The following LARS1 variants were observed in gnomAD, a reference collection of about 807,000 sequenced individuals.
LARS1 encodes leucine--tRNA ligase, cytoplasmic.
In LARS1, 100 loss-of-function variants were observed where a neutral mutation model predicts 162.8. The observed-to-expected ratio is 0.61, with a 90% CI of 0.52 to 0.73. The LOEUF is 0.73. Ranked by LOEUF, LARS1 falls within the 30% of genes least tolerant of loss-of-function variation. LARS1 has a pLI of 0.00. For synonymous variants in LARS1, 457 were observed against 462.8 expected, an observed-to-expected ratio of 0.99 and a Z score of 0.16; for missense variants, 1,258 against 1,408.9, an observed-to-expected ratio of 0.89 and a Z score of 1.71.
chr5:146,175,310 C>T (rs145345736), intron 2 of LARS1, among the ~76,000 whole-genome samples: 2,314 of 151,320 alleles, frequency 0.015, 68 homozygotes, highest in African/African-American at 0.053. Flanking sequence ...CTTTGGGAGT[C>T]GGAGGCAGGC....
chr5:146,157,298 G>A, intron 10 of LARS1, 105 bp downstream of exon 10: 1 of 956,666 alleles, frequency 1.0e-6, no homozygotes, highest in Non-Finnish European at 1.6e-6. Context: ...TTTACTGCAT[G>A]TACACCTCAT....
At chr5:146,124,135 TGGAA>T in intron 28 of LARS1, 49 bp from the exon 29 acceptor site, 5 of 1,066,308 alleles carry the variant, frequency 4.7e-6, no homozygotes, top group African/African-American at 1.5e-5. Context: ...AAGAATATGT[TGGAA>T]AACATACTTC....
intron 2 of LARS1, among the ~76,000 whole-genome samples, chr5:146,174,144 TAAAAAAAAAAA>T (rs66479730): frequency 2.2e-5 from 2 of 89,136 alleles, no homozygotes; most frequent in Non-Finnish European, 4.0e-5. Context: ...CTTTTTCTCT[TAAAAAAAAAAA>T]AAAAAAAAAA....
chr5:146,136,359 T>C (rs1036611967), intron 21 of LARS1, among the ~76,000 whole-genome samples: 5 of 152,240 alleles, frequency 3.3e-5, no homozygotes, highest in Non-Finnish European at 7.3e-5. Flanking sequence ...TGTATTGTTC[T>C]TCTTTGACTT....
At chr5:146,167,281 T>G (rs1391278064) in intron 5 of LARS1, among the ~76,000 whole-genome samples, 1 of 152,204 alleles carries the variant, frequency 6.6e-6, no homozygotes, top group African/African-American at 2.4e-5. Context: ...TGTTAATTCC[T>G]TAATTTGAAA....
rs752747618 is a variant in LARS1, at chr5:146,113,928, T to C, written c.*178A>G. ...CACCCAAAGAAAGGGAAAAAAAATT[T>C]ATTAGGTCCAGGAATCAAAGATGAC... On this transcript the variant is annotated 3_prime_UTR_variant, in exon 32 of 32. Coordinates refer to ENST00000394434, the MANE Select transcript of LARS1 (RefSeq NM_020117.11). 3.6e-6 allele frequency: 2 copies of C among 558,786 alleles called. No individual in the cohort carries two copies. Among genetic ancestry groups the C allele is most frequent in the Non-Finnish European group, 6.3e-6 (2 of 319,904 alleles). The allele number at this position is 558,786 out of a possible 1,614,324, so 34.6% of individuals were successfully genotyped here. A position where few individuals can be genotyped will look rare whatever the true frequency, so the allele number is the denominator to read the frequency against.
intron 19 of LARS1, 28 bp downstream of exon 19, chr5:146,143,384 T>C (rs1435155734): frequency 1.9e-6 from 3 of 1,590,292 alleles, no homozygotes; most frequent in Admixed American, 1.8e-5. Context: ...TGACAAATTA[T>C]GCTCCTTTCC....
chr5:146,176,385 G>A (rs1754574584), intron 2 of LARS1, among the ~76,000 whole-genome samples: 1 of 150,638 alleles, frequency 6.6e-6, no homozygotes. Context: ...CAGGGAGTTG[G>A]GGGTTGCAGT....
At chr5:146,158,989 G>A (rs1471360206) in intron 8 of LARS1, among the ~76,000 whole-genome samples, 8 of 151,858 alleles carry the variant, frequency 5.3e-5, no homozygotes, top group African/African-American at 1.7e-4. Flanking sequence ...CCAGCTACTC[G>A]GGAGGCTGAG....
chr5:146,143,042 G>A lies in LARS1; in HGVS notation c.1920C>T (p.Phe640=), dbSNP rs1405427734. The change falls in exon 20 of 32, where the codon TTC becomes TTT. Residue 640 remains phenylalanine, a synonymous_variant. Transcript: ENST00000394434. ...GAGTCTTAGGAAATGGAGCCTCCTT[G>A]AAGAAAACATAATCCCAAACTTCCT... ...MTKEVWDYVF[F]KEAPFPKTQI... is the part of the protein sequence containing the mutation. 1 of 1,613,590 alleles carries A rather than the reference G, an allele frequency of 6.2e-7. No homozygotes were observed. Among genetic ancestry groups the A allele is most frequent in the African/African-American group, 1.3e-5 (1 of 74,882 alleles).
At chr5:146,152,429 A>G (rs1753337721) in intron 13 of LARS1, among the ~76,000 whole-genome samples, 2 of 152,132 alleles carry the variant, frequency 1.3e-5, no homozygotes, top group South Asian at 4.1e-4. Flanking sequence ...TCACCCCCTG[A>G]GCTTCACCTC....
At position 146,164,338 on chromosome 5, in the gene LARS1, A is replaced by G; in HGVS notation, c.566T>C (p.Ile189Thr). The G allele has an allele frequency of 6.2e-7, 1 of 1,614,144 alleles. No individual in the cohort carries two copies. The highest frequency in any genetic ancestry group is 8.5e-7 in the Non-Finnish European group (1 of 1,179,996). Reference sequence around the variant, plus strand: ...CAAACCCATTCTTTTTAAATCCTGAATAGCCAGTGGCGGGAAATAATCAAG... The same window carrying G: ...CAAACCCATTCTTTTTAAATCCTGAGTAGCCAGTGGCGGGAAATAATCAAG... ...HWLDYFPPLA[I>T]QDLKRMGLKV... Residue 189 changes from isoleucine (I) to threonine (T), a missense_variant, in exon 6 of 32, where the codon ATT (isoleucine) becomes ACT (threonine). By Grantham distance (89) the Ile-to-Thr change is moderately conservative (BLOSUM62 -1). Transcript: ENST00000394434.
In LARS1 at chr5:146,130,095, A is replaced by G; in HGVS notation, c.2551T>C (p.Phe851Leu). 6 of 1,613,954 alleles carry G rather than the reference A, an allele frequency of 3.7e-6. No homozygotes were observed. Among genetic ancestry groups the G allele is most frequent in the Non-Finnish European group, 5.1e-6 (6 of 1,179,864 alleles). ...AGGAGAAGTGTCTGAACTTCAATAA[A>G]CCGGAACACAAGTTCTCTGTGCATC... ...EGMHRELVFR[F>L]IEVQTLLLAP... is the part of the protein sequence containing the mutation. Residue 851 changes from phenylalanine (F) to leucine (L), a missense_variant, in exon 25 of 32, where the codon TTT becomes CTT. Coordinates refer to ENST00000394434, the MANE Select transcript of LARS1 (RefSeq NM_020117.11).
chr5:146,145,278 TCTCA>T (rs144367104), intron 15 of LARS1, among the ~76,000 whole-genome samples: 33,667 of 151,768 alleles, frequency 0.22, 4,741 homozygotes, highest in Admixed American at 0.33. Context: ...AGAAATAGGG[TCTCA>T]CTATGTTGCC....
Position 146,130,096 on chromosome 5 carries a change from C to T in LARS1, c.2550G>A (p.Arg850=). 6.2e-7 allele frequency: 1 copy of T among 1,613,876 alleles called. No individual in the cohort carries two copies. Among genetic ancestry groups the T allele is most frequent in the Non-Finnish European group, 8.5e-7 (1 of 1,179,820 alleles). The change falls in exon 25 of 32, where the codon CGG becomes CGA. Residue 850 remains arginine (R), a synonymous_variant. Coordinates refer to ENST00000394434, the MANE Select transcript of LARS1 (RefSeq NM_020117.11). ...GGAGAAGTGTCTGAACTTCAATAAA[C>T]CGGAACACAAGTTCTCTGTGCATCC... ...VEGMHRELVF[R]FIEVQTLLLA...
At position 146,133,049 on chromosome 5, in the gene LARS1, T is replaced by C. The variant is rs1752354453; in HGVS notation, c.2245A>G (p.Thr749Ala). 3 of 1,613,866 alleles carry C rather than the reference T, an allele frequency of 1.9e-6. No homozygotes were observed. Among genetic ancestry groups the C allele is most frequent in the Non-Finnish European group, 2.5e-6 (3 of 1,179,920 alleles). Residue 749 changes from threonine (T) to alanine (A), a missense_variant, in exon 23 of 32, where the codon ACT becomes GCT. Thr to Ala is a moderately conservative substitution (Grantham distance 58). Transcript: ENST00000394434. ...TCCACAAAGTTGGCATCTTCTACAG[T>C]GTCACCAGCATCAGCCAGAGCCAAA... ...MRLALADAGDTVEDANFVEAM... is the reference protein window; with the variant it reads ...MRLALADAGDAVEDANFVEAM...
In LARS1 at chr5:146,143,394, C is replaced by T. The variant is rs1752877662; in HGVS notation, c.1877+18G>A. On this transcript the variant is annotated intron_variant, in intron 19 of 31. Coordinates refer to ENST00000394434, the MANE Select transcript of LARS1 (RefSeq NM_020117.11). Reference sequence around the variant, plus strand: ...CTTACTGACAAATTATGCTCCTTTCCCTTATCTGTTTACCAACCTAATGCC... The same window carrying T: ...CTTACTGACAAATTATGCTCCTTTCTCTTATCTGTTTACCAACCTAATGCC... 2 of 1,604,656 alleles carry T rather than the reference C, an allele frequency of 1.2e-6. No individual in the cohort carries two copies. Among genetic ancestry groups the T allele is most frequent in the African/African-American group, 2.7e-5 (2 of 74,802 alleles).
intron 6 of LARS1, among the ~76,000 whole-genome samples, chr5:146,161,235 T>C (rs895287078): frequency 6.6e-6 from 1 of 152,220 alleles, no homozygotes; most frequent in African/African-American, 2.4e-5. Context: ...TTGTAATCTT[T>C]GTGCTGGTGG....
At chr5:146,157,161 G>A (rs1753566493) in intron 10 of LARS1, among the ~76,000 whole-genome samples, 1 of 152,130 alleles carries the variant, frequency 6.6e-6, no homozygotes, top group African/African-American at 2.4e-5. Context: ...AGAGAGGTGA[G>A]TACTAATGAT....
Sources: gnomAD v4.1 joint callset for allele counts (sites outside exome capture counted in the v4.1 genomes callset) on GRCh38, gnomAD v4.1.1 for gene constraint, MANE v1.5 for transcripts, NCBI Gene and HGNC (gene_info 2026-07-23, HGNC 2026-07-21) for gene names.